SUMF1: variants seen among roughly 807,000 people sequenced by gnomAD.
The protein encoded by SUMF1 is formylglycine-generating enzyme.
SUMF1 carries 48 observed loss-of-function variants against 47.6 expected under a neutral mutation model. The ratio of observed to expected loss-of-function variants is 1.01; its 90% CI spans 0.80 to 1.28. The LOEUF (loss-of-function observed/expected upper bound fraction) is 1.28, where lower values mean the gene tolerates loss of function less well. Ranked by LOEUF, SUMF1 falls within the 50% of genes most tolerant of loss-of-function variation. The pLI is 0.00. For synonymous variants in SUMF1, 230 were observed against 192.1 expected (o/e 1.20, Z -1.63); for missense variants, 571 against 485.4 (o/e 1.18, Z -1.66).
chr3:4,232,475 C>T (rs1696321835), intron 8 of SUMF1, among the ~76,000 whole-genome samples: 1 of 151,964 alleles, frequency 6.6e-6, no homozygotes, highest in Admixed American at 6.6e-5. Context: ...TCTTCAGATT[C>T]CATAGAGAGA....
At chr3:4,207,788 G>C (rs73120029) in intron 8 of SUMF1, among the ~76,000 whole-genome samples, 1 of 152,122 alleles carries the variant, frequency 6.6e-6, no homozygotes, top group African/African-American at 2.4e-5. Flanking sequence ...CAGACAAGGA[G>C]ATACAGAAAA....
At chr3:4,442,406 A>G (rs1204214587) in intron 3 of SUMF1, among the ~76,000 whole-genome samples, 3 of 130,138 alleles carry the variant, frequency 2.3e-5, no homozygotes, top group Non-Finnish European at 3.4e-5. Flanking sequence ...CAGGCGCCCA[A>G]CACCACGCCC....
chr3:4,351,726 CAAAA>C (rs1434735605), intron 8 of SUMF1, among the ~76,000 whole-genome samples: 1 of 152,128 alleles, frequency 6.6e-6, no homozygotes, highest in African/African-American at 2.4e-5. Flanking sequence ...ACACGTCTTT[CAAAA>C]ATGTGTAGTC....
intron 8 of SUMF1, among the ~76,000 whole-genome samples, chr3:4,340,668 A>C (rs2125140004): frequency 6.6e-6 from 1 of 152,290 alleles, no homozygotes; most frequent in Non-Finnish European, 1.5e-5. Flanking sequence ...AAACAGAGAG[A>C]TTCAAGGGAT....
At chr3:4,141,742 G>A (rs900088826) in intron 8 of SUMF1, among the ~76,000 whole-genome samples, 3 of 152,124 alleles carry the variant, frequency 2.0e-5, no homozygotes, top group Non-Finnish European at 4.4e-5. Flanking sequence ...CACAGACAGT[G>A]AAGTCCTAAA....
At chr3:4,238,190 T>C (rs1320989666) in intron 8 of SUMF1, among the ~76,000 whole-genome samples, 1 of 152,152 alleles carries the variant, frequency 6.6e-6, no homozygotes, top group Non-Finnish European at 1.5e-5. Context: ...TGATGGGCAT[T>C]TGGGTGGGTT....
chr3:4,244,969 T>C (rs956281557), intron 8 of SUMF1, among the ~76,000 whole-genome samples: 1 of 152,090 alleles, frequency 6.6e-6, no homozygotes, highest in Non-Finnish European at 1.5e-5. Context: ...CTTGTCTTCT[T>C]GCTTTATTTC....
intron 8 of SUMF1, among the ~76,000 whole-genome samples, chr3:4,166,331 T>G (rs1217954860): frequency 1.3e-5 from 2 of 152,098 alleles, no homozygotes; most frequent in Non-Finnish European, 2.9e-5. Context: ...ATGCCTTTTG[T>G]CCACACTTCT....
At chr3:4,175,097 G>T (rs771009039) in intron 8 of SUMF1, among the ~76,000 whole-genome samples, 53 of 152,304 alleles carry the variant, frequency 3.5e-4, no homozygotes, top group Non-Finnish European at 6.5e-4. Flanking sequence ...CCACCTCTCT[G>T]GGCAGGGCAT....
chr3:4,117,349 GA>G (rs953375513), intron 8 of SUMF1, among the ~76,000 whole-genome samples: 3 of 150,730 alleles, frequency 2.0e-5, no homozygotes, highest in South Asian at 2.1e-4. Flanking sequence ...AAGTGTAAAG[GA>G]AAAAAAAATC....
rs1695192097 is a variant in SUMF1 at position 4,056,424 on chromosome 3, AGTGCTTTGGGAGG to A, written c.1191+12132_1191+12144del. On this transcript the variant is annotated intron_variant and NMD_transcript_variant, in intron 9 of 12. Coordinates refer to the SUMF1 transcript ENST00000448413. Reference sequence around the variant, plus strand: ...CATGGTGGTTCATGCCTGTAACCTCAGTGCTTTGGGAGGTCTACACAGGAGGATCACTTGAGCC... The same window carrying A: ...CATGGTGGTTCATGCCTGTAACCTCATCTACACAGGAGGATCACTTGAGCC... Among the ~76,000 whole-genome samples, 4 of 151,994 alleles carry A rather than the reference AGTGCTTTGGGAGG, an allele frequency of 2.6e-5. No homozygotes were observed. In the South Asian group the frequency reaches 8.3e-4, roughly 32 times the overall value.
chr3:4,424,054 C>T (rs1575205877), intron 3 of SUMF1, among the ~76,000 whole-genome samples: 1 of 152,152 alleles, frequency 6.6e-6, no homozygotes, highest in Non-Finnish European at 1.5e-5. Flanking sequence ...TTCTTTATAG[C>T]AATTGCAGGA....
At chr3:4,125,708 T>C (rs1693640449) in intron 8 of SUMF1, among the ~76,000 whole-genome samples, 1 of 152,202 alleles carries the variant, frequency 6.6e-6, no homozygotes, top group Non-Finnish European at 1.5e-5. Context: ...AGGATCTTAC[T>C]CTGCCACCCA....
chr3:4,459,722 T>C lies in SUMF1; in HGVS notation c.271-6673A>G, dbSNP rs531221218. ...AGTCTCACTAGATTTCCTAAATATG[T>C]ATCTCTCTAATCTCTCCCTCTTTTC... On this transcript the variant is annotated intron_variant, in intron 1 of 8. Coordinates refer to ENST00000272902, the MANE Select transcript of SUMF1 (RefSeq NM_182760.4). Among the ~76,000 whole-genome samples the C allele has an allele frequency of 1.8e-3, 275 of 152,338 alleles. 1 individual carries two copies. The highest frequency in any genetic ancestry group is 2.3e-3 in the Non-Finnish European group (158 of 68,030).
intron 8 of SUMF1, among the ~76,000 whole-genome samples, chr3:4,265,201 G>A (rs754453857): frequency 6.6e-6 from 1 of 151,036 alleles, no homozygotes; most frequent in Non-Finnish European, 1.5e-5. Flanking sequence ...TCTGGCAGGA[G>A]CAGGAAGATC....
intron 8 of SUMF1, among the ~76,000 whole-genome samples, chr3:4,100,004 T>C (rs1692996243): frequency 6.6e-6 from 1 of 151,592 alleles, no homozygotes; most frequent in East Asian, 1.9e-4. Context: ...AAGAATTCAA[T>C]CTAATTTAAT....
chr3:4,199,462 G>T (rs1695496602), intron 8 of SUMF1, among the ~76,000 whole-genome samples: 1 of 152,098 alleles, frequency 6.6e-6, no homozygotes, highest in Non-Finnish European at 1.5e-5. Context: ...GTGCACATAT[G>T]ATTTCATTCC....
intron 8 of SUMF1, among the ~76,000 whole-genome samples, chr3:4,166,842 T>C (rs1475700467): frequency 6.6e-6 from 1 of 152,118 alleles, no homozygotes; most frequent in African/African-American, 2.4e-5. Context: ...AAGCAGAAGC[T>C]GGTTCCAGGC....
At chr3:4,212,710 A>C (rs1280835459) in intron 8 of SUMF1, among the ~76,000 whole-genome samples, 1 of 152,200 alleles carries the variant, frequency 6.6e-6, no homozygotes, top group Non-Finnish European at 1.5e-5. Context: ...TTTACAGAAG[A>C]ACATAAATGA....
Sources: gnomAD v4.1 joint callset for allele counts (sites outside exome capture counted in the v4.1 genomes callset) on GRCh38, gnomAD v4.1.1 for gene constraint, MANE v1.5 for transcripts, NCBI Gene and HGNC (gene_info 2026-07-23, HGNC 2026-07-21) for gene names.